AP2B1: variants seen among roughly 807,000 people sequenced by gnomAD.
AP2B1 encodes adaptor related protein complex 2 subunit beta 1.
AP2B1 carries 23 observed loss-of-function variants against 102.0 expected under a neutral mutation model. That is an observed-to-expected ratio of 0.23 (90% confidence interval 0.16 to 0.32). AP2B1 has a LOEUF of 0.32. Ranked by LOEUF, AP2B1 falls within the 10% of genes least tolerant of loss-of-function variation. AP2B1 has a pLI of 1.00. For missense variants in AP2B1, 541 were observed against 1,157.4 expected, an observed-to-expected ratio of 0.47 and a Z score of 7.73; for synonymous variants, 381 against 421.2, an observed-to-expected ratio of 0.90 and a Z score of 1.17.
intron 17 of AP2B1, among the ~76,000 whole-genome samples, chr17:35,675,718 CCT>C (rs1475820557): frequency 2.0e-5 from 3 of 150,634 alleles, no homozygotes; most frequent in Admixed American, 2.0e-4. Flanking sequence ...CTCACTGCAA[CCT>C]CTTTTGTTCT....
intron 18 of AP2B1, among the ~76,000 whole-genome samples, chr17:35,688,605 C>G (rs1413334270): frequency 6.6e-6 from 1 of 152,120 alleles, no homozygotes; most frequent in Non-Finnish European, 1.5e-5. Flanking sequence ...GTTGATTCTC[C>G]TGGACTGACT....
chr17:35,720,565 ATATATATATTTTTTTTT>A (rs2085342127), intron 21 of AP2B1, among the ~76,000 whole-genome samples: 1 of 52,398 alleles, frequency 1.9e-5, no homozygotes, highest in African/African-American at 7.4e-5. Flanking sequence ...ATATATATAT[ATATATATATTTTTTTTT>A]TTTTTTTTTT....
At chr17:35,667,058 C>T (rs932100831) in intron 14 of AP2B1, among the ~76,000 whole-genome samples, 12 of 152,274 alleles carry the variant, frequency 7.9e-5, no homozygotes, top group African/African-American at 2.6e-4. Flanking sequence ...TGTTCACTTT[C>T]TAGCTTTCTT....
chr17:35,723,975 G>A lies in AP2B1; in HGVS notation c.*276G>A, dbSNP rs1290849853. The A allele has an allele frequency of 2.8e-6, 1 of 359,600 alleles. No homozygotes were observed. The highest frequency in any genetic ancestry group is 2.0e-5 in the African/African-American group (1 of 48,998). The allele number at this position is 359,600 out of a possible 1,614,324, so 22.3% of individuals were successfully genotyped here. A position where few individuals can be genotyped will look rare whatever the true frequency, so the allele number is the denominator to read the frequency against. On this transcript the variant is annotated 3_prime_UTR_variant, in exon 22 of 22. Coordinates refer to ENST00000610402, the MANE Select transcript of AP2B1 (RefSeq NM_001030006.2). ...GTGGGCTTCTCCATGCTGTGCCAAT[G>A]GCTGGCTTTTTCTACACCCTCTTTT... is the stretch of plus-strand genomic sequence containing the variant.
intron 13 of AP2B1, among the ~76,000 whole-genome samples, chr17:35,654,373 TTTTG>T: frequency 6.6e-6 from 1 of 152,192 alleles, no homozygotes; most frequent in East Asian, 1.9e-4. Context: ...TGTTTTTTTG[TTTTG>T]TTTTACTTTT....
At chr17:35,621,394 G>GT (rs2074173432) in intron 5 of AP2B1, 7 of 942,694 alleles carry the variant, frequency 7.4e-6, no homozygotes, top group Admixed American at 6.2e-5. Flanking sequence ...TGCTAAAAAT[G>GT]TAACAGTCTG....
intron 3 of AP2B1, among the ~76,000 whole-genome samples, chr17:35,605,478 G>A (rs138887154): frequency 0.011 from 1,616 of 152,268 alleles, 23 homozygotes; most frequent in African/African-American, 0.029. Context: ...TCAAACTCCC[G>A]ACCTCAGGTG....
intron 5 of AP2B1, among the ~76,000 whole-genome samples, chr17:35,614,309 C>G (rs140338291): frequency 6.6e-6 from 1 of 152,110 alleles, no homozygotes; most frequent in African/African-American, 2.4e-5. Context: ...ACAGTCTTCC[C>G]GAGCAACTGG....
At position 35,671,856 on chromosome 17, in the gene AP2B1, A is replaced by G. The variant is rs2075594976; in HGVS notation, c.2134A>G (p.Thr712Ala). The G allele has an allele frequency of 1.2e-6, 2 of 1,613,996 alleles. No homozygotes were observed. The highest frequency in any genetic ancestry group is 1.7e-6 in the Non-Finnish European group (2 of 1,179,980). Reference protein sequence around the residue: ...SGLNDLFELSTGIGMAPGGYV... With the variant: ...SGLNDLFELSAGIGMAPGGYV... ...ACTGAATGACCTGTTTGAACTCTCC[A>G]CAGGGATAGGCATGGCACCTGGTGG... Residue 712 changes from threonine to alanine, a missense_variant, in exon 16 of 22, where the codon ACA becomes GCA. Coordinates refer to ENST00000610402, the MANE Select transcript of AP2B1 (RefSeq NM_001030006.2).
At chr17:35,620,088 G>A (rs934037901) in intron 5 of AP2B1, among the ~76,000 whole-genome samples, 1 of 152,094 alleles carries the variant, frequency 6.6e-6, no homozygotes, top group Non-Finnish European at 1.5e-5. Flanking sequence ...GCTCGGCCAA[G>A]GATTTATTTT....
At chr17:35,692,655 G>A (rs1441505868) in intron 18 of AP2B1, among the ~76,000 whole-genome samples, 1 of 152,164 alleles carries the variant, frequency 6.6e-6, no homozygotes, top group Non-Finnish European at 1.5e-5. Context: ...TGTTTAATGA[G>A]ATGGGGAAGA....
intron 13 of AP2B1, among the ~76,000 whole-genome samples, chr17:35,653,935 C>T (rs1485994624): frequency 6.6e-6 from 1 of 152,162 alleles, no homozygotes; most frequent in Non-Finnish European, 1.5e-5. Context: ...ATAATTTTTC[C>T]TGTCGTCCTT....
At chr17:35,645,205 T>C (rs2074895428) in intron 12 of AP2B1, among the ~76,000 whole-genome samples, 1 of 152,178 alleles carries the variant, frequency 6.6e-6, no homozygotes, top group South Asian at 2.1e-4. Flanking sequence ...TTAACTTAAA[T>C]TGGTATATGT....
intron 3 of AP2B1, among the ~76,000 whole-genome samples, chr17:35,599,735 C>G (rs1166454044): frequency 6.6e-6 from 1 of 151,928 alleles, no homozygotes; most frequent in Admixed American, 6.6e-5. Context: ...GAAATTCTGT[C>G]TCTACTAAAA....
At chr17:35,690,600 A>G (rs587689005) in intron 18 of AP2B1, among the ~76,000 whole-genome samples, 8 of 152,234 alleles carry the variant, frequency 5.3e-5, no homozygotes, top group Admixed American at 3.9e-4. Context: ...TAGAAATCCT[A>G]TTGACATCTT....
At chr17:35,600,936 G>GGT in intron 3 of AP2B1, 2 of 908,906 alleles carry the variant, frequency 2.2e-6, no homozygotes, top group Non-Finnish European at 2.6e-6. Flanking sequence ...TCTTGCTCCA[G>GGT]GTGCTGCTCT....
chr17:35,597,030 C>T (rs1597974663), intron 2 of AP2B1: 4 of 604,344 alleles, frequency 6.6e-6, no homozygotes, highest in East Asian at 3.7e-5. Context: ...CAGGTGGCGG[C>T]GAAGCCCCGT....
At chr17:35,679,781 T>G (rs931184732) in intron 17 of AP2B1, among the ~76,000 whole-genome samples, 4 of 152,176 alleles carry the variant, frequency 2.6e-5, no homozygotes, top group African/African-American at 9.7e-5. Context: ...TTTTTTTGCC[T>G]TATAACTATT....
At chr17:35,707,678 C>A (rs937490413) in intron 18 of AP2B1, among the ~76,000 whole-genome samples, 10 of 152,002 alleles carry the variant, frequency 6.6e-5, no homozygotes, top group Admixed American at 1.3e-4. Context: ...ATCTTGAACT[C>A]CTGACCTCAA....
Sources: gnomAD v4.1 joint callset for allele counts (sites outside exome capture counted in the v4.1 genomes callset) on GRCh38, gnomAD v4.1.1 for gene constraint, MANE v1.5 for transcripts, NCBI Gene and HGNC (gene_info 2026-07-23, HGNC 2026-07-21) for gene names.